The following TACC2 variants were observed in gnomAD, a reference collection of about 807,000 sequenced individuals.
TACC2 encodes the protein transforming acidic coiled-coil containing protein 2.
In TACC2, 137 loss-of-function variants were observed where a neutral mutation model predicts 227.3. The ratio of observed to expected loss-of-function variants is 0.60; its 90% CI spans 0.52 to 0.69. The LOEUF (loss-of-function observed/expected upper bound fraction) is 0.69, where lower values mean the gene tolerates loss of function less well. Ranked by LOEUF, TACC2 falls within the 30% of genes least tolerant of loss-of-function variation. The pLI is 0.00. For missense variants in TACC2, 3,470 were observed against 3,694.4 expected (o/e 0.94, Z 1.57); for synonymous variants, 1,523 against 1,487.5 (o/e 1.02, Z -0.55).
chr10:122,082,488 G>C (rs371336840), intron 3 of TACC2, among the ~76,000 whole-genome samples, 159 bp from the exon 4 acceptor site: 1 of 152,008 alleles, frequency 6.6e-6, no homozygotes, highest in African/African-American at 2.4e-5. Flanking sequence ...GAGGGGTGCA[G>C]GGGGCTCTCA....
chr10:122,251,826 C>A (rs546501346), intron 22 of TACC2, among the ~76,000 whole-genome samples: 2 of 152,344 alleles, frequency 1.3e-5, no homozygotes, highest in African/African-American at 4.8e-5. Context: ...ATGGTTCCCC[C>A]ATTTCCATCA....
At chr10:122,161,363 T>C (rs2092804409) in intron 7 of TACC2, among the ~76,000 whole-genome samples, 1 of 152,266 alleles carries the variant, frequency 6.6e-6, no homozygotes, top group South Asian at 2.1e-4. Flanking sequence ...TTCACTTTAA[T>C]GCTGCCTTAA....
Position 122,014,825 on chromosome 10 carries a change from T to C in TACC2, c.-45-7112T>C, listed in dbSNP as rs117472476. Among the ~76,000 whole-genome samples the C allele has an allele frequency of 9.2e-5, 14 of 152,302 alleles. No homozygotes were observed. The East Asian group carries it at 2.7e-3, about 29-fold the overall frequency. ...TGATTAGTCACCTGGCCCAAACCTG[T>C]ACCTTCCACTCTCCTCCCTGATCAA... On this transcript the variant is annotated intron_variant, in intron 1 of 22. Transcript: ENST00000369005.
chr10:122,237,598 G>A lies in TACC2; in HGVS notation c.8271+60G>A. On this transcript the variant is annotated intron_variant, in intron 17 of 22. Transcript: ENST00000369005. The stretch of plus-strand genomic sequence containing the variant: ...GCCACTTATAAATACGTATGCTCGT[G>A]GTCCACAAAGCCAGAGTCTTTGGAG... The A allele has an allele frequency of 1.9e-6, 3 of 1,565,342 alleles. No homozygotes were observed. The Middle Eastern group carries it at 5.3e-4, about 276-fold the overall frequency.
At chr10:122,147,592 T>G (rs4606424) in intron 7 of TACC2, among the ~76,000 whole-genome samples, 140,317 of 152,250 alleles carry the variant, frequency 0.92, 65,279 homozygotes, top group Non-Finnish European at 0.99. Context: ...CAGGAGATTT[T>G]TCTGTTCTCC....
chr10:122,036,195 C>T (rs913598368), intron 2 of TACC2, among the ~76,000 whole-genome samples: 2 of 139,120 alleles, frequency 1.4e-5, no homozygotes, highest in African/African-American at 2.7e-5. Flanking sequence ...CTAATCCATT[C>T]TTTTTTTTTT....
rs577380255 is a variant in TACC2 at position 122,041,356 on chromosome 10, G to A, written c.34-9082G>A. Among the ~76,000 whole-genome samples, 27 of 150,020 alleles carry A rather than the reference G, an allele frequency of 1.8e-4. No individual in the cohort carries two copies. In the East Asian group the frequency reaches 5.3e-3, roughly 29 times the overall value. The stretch of plus-strand genomic sequence containing the variant: ...AGGTGGGCATCTGGGCTGCTTTAAT[G>A]TGTTTAATGTGAAAGAAGTTGAGCA... On this transcript the variant is annotated intron_variant, in intron 2 of 22. Transcript: ENST00000369005.
intron 11 of TACC2, among the ~76,000 whole-genome samples, chr10:122,220,482 G>A (rs2095502230): frequency 1.3e-5 from 2 of 152,054 alleles, no homozygotes; most frequent in African/African-American, 2.4e-5. Context: ...CATCCACCTC[G>A]CTAACACACC....
At position 122,084,884 on chromosome 10, in the gene TACC2, C is replaced by T; in HGVS notation, c.2384C>T (p.Ala795Val). 6.2e-7 allele frequency: 1 copy of T among 1,614,072 alleles called. No homozygotes were observed. The highest frequency in any genetic ancestry group is 8.5e-7 in the Non-Finnish European group (1 of 1,180,036). ...TTGGCAGCAGACCTGGGGCTCACGGCACTCATCCTGGACCAAGATCAGCAG... is the reference window on the plus strand; with the variant it reads ...TTGGCAGCAGACCTGGGGCTCACGGTACTCATCCTGGACCAAGATCAGCAG... ...ENLAADLGLT[A>V]LILDQDQQGI... The change falls in exon 4 of 23, where the codon GCA (alanine) becomes GTA (valine). Residue 795 changes from alanine (A) to valine (V), a missense_variant. Transcript: ENST00000369005.
Position 122,050,410 on chromosome 10 carries a change from T to A in TACC2, c.34-28T>A, listed in dbSNP as rs1565160590. 8.2e-6 allele frequency: 13 copies of A among 1,582,504 alleles called. No homozygotes were observed. Among genetic ancestry groups the A allele is most frequent in the Admixed American group, 1.7e-5 (1 of 58,916 alleles). On this transcript the variant is annotated intron_variant, in intron 2 of 22. Transcript: ENST00000369005. This position sits in a 1 kb window ranked among gnomAD's most constrained non-coding sequence, Gnocchi z 4.6. Reference sequence around the variant, plus strand: ...TTTCAGAGACTCCTATCTGATTTCCTTTCCAATTTCTTTTTCTCCTGGCTC... The same window carrying A: ...TTTCAGAGACTCCTATCTGATTTCCATTCCAATTTCTTTTTCTCCTGGCTC...
chr10:122,031,386 T>C (rs17102882), intron 2 of TACC2, among the ~76,000 whole-genome samples: 19,969 of 146,560 alleles, frequency 0.14, 1,608 homozygotes, highest in East Asian at 0.3. Flanking sequence ...TTCCGGCCAA[T>C]GGTCTAGCCT....
chr10:122,004,091 A>T (rs527540295), intron 1 of TACC2, among the ~76,000 whole-genome samples: 1 of 152,164 alleles, frequency 6.6e-6, no homozygotes, highest in Admixed American at 6.5e-5. Flanking sequence ...AGAGGCCTAA[A>T]TTCTGCTAAG....
rs1176496381 is a variant in TACC2, at chr10:122,083,897, T to C, written c.1397T>C (p.Val466Ala). ...AAKEVVDAGL[V>A]GLERQVSDLG... ...AAAGAGGTGGTGGATGCAGGGTTGG[T>C]GGGACTGGAGAGGCAGGTGTCAGAT... The change falls in exon 4 of 23, where the codon GTG becomes GCG. Residue 466 changes from valine to alanine, a missense_variant. Coordinates refer to ENST00000369005, the MANE Select transcript of TACC2 (RefSeq NM_206862.4). The C allele has an allele frequency of 1.2e-6, 2 of 1,613,934 alleles. No homozygotes were observed. Among genetic ancestry groups the C allele is most frequent in the East Asian group, 2.2e-5 (1 of 44,886 alleles).
chr10:122,142,519 G>A (rs2090758120), intron 6 of TACC2, among the ~76,000 whole-genome samples: 1 of 152,256 alleles, frequency 6.6e-6, no homozygotes, highest in South Asian at 2.1e-4. Flanking sequence ...AGACCAGGGT[G>A]CTAGCCTGTC....
intron 5 of TACC2, among the ~76,000 whole-genome samples, chr10:122,116,610 A>G (rs935032687): frequency 1.1e-4 from 17 of 152,314 alleles, no homozygotes; most frequent in African/African-American, 2.6e-4. Context: ...AGTCATGCAC[A>G]TGAATATACT....
At chr10:122,197,983 G>A (rs756721171) in intron 8 of TACC2, among the ~76,000 whole-genome samples, 1 of 152,214 alleles carries the variant, frequency 6.6e-6, no homozygotes, top group Non-Finnish European at 1.5e-5. Flanking sequence ...AGGGTACCAG[G>A]GGAAAATCTA....
At chr10:122,154,222 C>T (rs551725842) in intron 7 of TACC2, among the ~76,000 whole-genome samples, 16 of 152,330 alleles carry the variant, frequency 1.1e-4, no homozygotes, top group Middle Eastern at 3.4e-3. Flanking sequence ...GGCCTGATGC[C>T]GGGCCAGGCT....
chr10:122,107,825 C>G (rs1384088689), intron 5 of TACC2, among the ~76,000 whole-genome samples: 1 of 148,856 alleles, frequency 6.7e-6, no homozygotes, highest in Non-Finnish European at 1.5e-5. Context: ...TATCCCTCAC[C>G]CCCCTCCCAC....
intron 2 of TACC2, among the ~76,000 whole-genome samples, chr10:122,033,506 G>A (rs971660964): frequency 1.3e-5 from 2 of 152,210 alleles, no homozygotes; most frequent in African/African-American, 4.8e-5. Context: ...TTGTCTGCAA[G>A]TGAAGCTGGG....
Sources: allele counts gnomAD v4.1 joint callset (sites outside exome capture counted in the v4.1 genomes callset), GRCh38; gene constraint gnomAD v4.1.1; non-coding constraint Gnocchi (gnomAD v3.1); transcripts MANE v1.5; gene names NCBI Gene and HGNC (gene_info 2026-07-23, HGNC 2026-07-21).